The following CCDC148 variants were observed in gnomAD, a reference collection of about 807,000 sequenced individuals.
CCDC148 encodes coiled-coil domain-containing protein 148.
A neutral mutation model predicts 85.7 loss-of-function variants in CCDC148; 89 were observed. The ratio of observed to expected loss-of-function variants is 1.04; its 90% CI spans 0.87 to 1.24. The LOEUF (loss-of-function observed/expected upper bound fraction) is 1.24. Among genes scored for constraint, CCDC148 ranks in the 50% most tolerant of loss-of-function variants. The pLI is 0.00. For missense variants in CCDC148, 692 were observed against 671.7 expected (o/e 1.03, Z -0.33); for synonymous variants, 230 against 213.9 (o/e 1.08, Z -0.66).
intron 1 of CCDC148, chr2:158,447,285 C>T (rs998313588): frequency 3.9e-5 from 6 of 152,238 alleles, no homozygotes; most frequent in Non-Finnish European, 8.8e-5. Context: ...GCTGCTTCAC[C>T]TCTCCTGAGG....
At chr2:158,260,154 C>T (rs75768046) in intron 9 of CCDC148, among the ~76,000 whole-genome samples, 282 of 152,002 alleles carry the variant, frequency 1.9e-3, no homozygotes, top group Non-Finnish European at 3.3e-3. Flanking sequence ...TCTATTCCTA[C>T]TCCTGGAATA....
intron 10 of CCDC148, among the ~76,000 whole-genome samples, chr2:158,233,420 T>A (rs1419225678): frequency 6.6e-6 from 1 of 151,666 alleles, no homozygotes; most frequent in South Asian, 2.1e-4. Context: ...TTTTGCCACA[T>A]AGTTTTTACA....
At chr2:158,362,216 C>T (rs1256158968) in intron 1 of CCDC148, among the ~76,000 whole-genome samples, 1 of 151,998 alleles carries the variant, frequency 6.6e-6, no homozygotes, top group African/African-American at 2.4e-5. Context: ...GACTCCCACA[C>T]AATAATAATG....
At chr2:158,420,792 CA>C (rs768064421) in intron 1 of CCDC148, among the ~76,000 whole-genome samples, 77 of 152,144 alleles carry the variant, frequency 5.1e-4, no homozygotes, top group East Asian at 1.4e-3. Context: ...CACAGACTGG[CA>C]ACTTGGATAG....
chr2:158,277,584 G>A (rs550217574), intron 9 of CCDC148, among the ~76,000 whole-genome samples: 71 of 152,136 alleles, frequency 4.7e-4, no homozygotes, highest in Non-Finnish European at 9.3e-4. Context: ...ACAACACAGT[G>A]AGTTATGTTT....
At chr2:158,273,944 G>A (rs1283382066) in intron 9 of CCDC148, among the ~76,000 whole-genome samples, 1 of 152,162 alleles carries the variant, frequency 6.6e-6, no homozygotes, top group East Asian at 1.9e-4. Flanking sequence ...AGAGGATAGT[G>A]TTTTCTTTGC....
At chr2:158,228,666 G>C (rs576930632) in intron 10 of CCDC148, among the ~76,000 whole-genome samples, 14 of 152,188 alleles carry the variant, frequency 9.2e-5, no homozygotes, top group African/African-American at 3.4e-4. Flanking sequence ...TAGGGACATG[G>C]ATGAAGCTAG....
At chr2:158,186,976 C>G (rs995698430) in intron 11 of CCDC148, among the ~76,000 whole-genome samples, 1 of 152,014 alleles carries the variant, frequency 6.6e-6, no homozygotes, top group African/African-American at 2.4e-5. Flanking sequence ...AACTCTAATT[C>G]TTTGTTGAAA....
At chr2:158,217,465 C>T (rs1400821155) in intron 11 of CCDC148, among the ~76,000 whole-genome samples, 1 of 150,818 alleles carries the variant, frequency 6.6e-6, no homozygotes, top group Non-Finnish European at 1.5e-5. Flanking sequence ...TGCGGTAGCA[C>T]GATCTCAGCT....
In CCDC148 at chr2:158,406,624, T is replaced by TGTTTTTTTTTTTGTTTTTTG. The variant is rs1423803250; in HGVS notation, c.26-48055_26-48054insCAAAAAACAAAAAAAAAAAC. Among the ~76,000 whole-genome samples, 11 of 24,862 alleles carry TGTTTTTTTTTTTGTTTTTTG rather than the reference T, an allele frequency of 4.4e-4. No homozygotes were observed. The South Asian group carries it at 0.017, about 39-fold the overall frequency. 16.3% of individuals were successfully genotyped at this position (24,862 alleles called of 152,430 possible). ...AACAGATTAAATTTCTTTTTTTTTT[T>TGTTTTTTTTTTTGTTTTTTG]TTTTTTTTTTTTTTTTGAGACAGTG... On this transcript the variant is annotated intron_variant, in intron 1 of 13. Coordinates refer to ENST00000283233, the MANE Select transcript of CCDC148 (RefSeq NM_138803.4).
At chr2:158,292,487 A>G (rs979258327) in intron 9 of CCDC148, among the ~76,000 whole-genome samples, 1 of 152,208 alleles carries the variant, frequency 6.6e-6, no homozygotes, top group African/African-American at 2.4e-5. Flanking sequence ...TCATCTGTCC[A>G]TTTGCAAACT....
At chr2:158,392,231 T>G (rs569133461) in intron 1 of CCDC148, among the ~76,000 whole-genome samples, 1 of 152,254 alleles carries the variant, frequency 6.6e-6, no homozygotes, top group African/African-American at 2.4e-5. Flanking sequence ...GTCCAGTCAT[T>G]GTGCTAGGCG....
At chr2:158,329,484 G>A (rs1167808049) in intron 7 of CCDC148, among the ~76,000 whole-genome samples, 1 of 152,020 alleles carries the variant, frequency 6.6e-6, no homozygotes, top group East Asian at 1.9e-4. Context: ...GATTGACTTG[G>A]CGATGTGGGC....
intron 10 of CCDC148, among the ~76,000 whole-genome samples, chr2:158,227,683 C>T (rs879397756): frequency 1.1e-4 from 17 of 152,082 alleles, no homozygotes; most frequent in Admixed American, 2.6e-4. Flanking sequence ...CTTTGACAAA[C>T]CTGACAAAAA....
At chr2:158,376,185 T>C (rs1684642918) in intron 1 of CCDC148, among the ~76,000 whole-genome samples, 1 of 152,086 alleles carries the variant, frequency 6.6e-6, no homozygotes, top group South Asian at 2.1e-4. Flanking sequence ...ATGAAAAAAT[T>C]ACATCTAGCA....
intron 1 of CCDC148, among the ~76,000 whole-genome samples, chr2:158,397,658 C>G (rs956205111): frequency 6.6e-6 from 1 of 152,108 alleles, no homozygotes; most frequent in Non-Finnish European, 1.5e-5. Flanking sequence ...ACAACCGGTA[C>G]CAGCCACTGC....
At chr2:158,435,699 A>T in intron 1 of CCDC148, among the ~76,000 whole-genome samples, 1 of 152,244 alleles carries the variant, frequency 6.6e-6, no homozygotes, top group Non-Finnish European at 1.5e-5. Flanking sequence ...ATAAAGAGTC[A>T]AGACCCATCA....
Position 158,313,787 on chromosome 2 carries a change from C to T in CCDC148, c.872G>A (p.Arg291Lys). 6.2e-7 allele frequency: 1 copy of T among 1,613,900 alleles called. No individual in the cohort carries two copies. ...ATGCCTAGATTTGTGAGGAAAATAT[C>T]TTTGTAACATGTCCAGATACAGAGT... Reference protein sequence around the residue: ...RRTLYLDMLQRYFPHKSRHDL... With the variant: ...RRTLYLDMLQKYFPHKSRHDL... The change falls in exon 8 of 14, where the codon AGA becomes AAA. Residue 291 changes from arginine to lysine, a missense_variant. Transcript: ENST00000283233.
At chr2:158,188,766 T>TGAA (rs1558967442) in intron 11 of CCDC148, among the ~76,000 whole-genome samples, 1 of 152,070 alleles carries the variant, frequency 6.6e-6, no homozygotes, top group Non-Finnish European at 1.5e-5. Flanking sequence ...AAAGAGCTTC[T>TGAA]GTGCAGCAAA....
Sources: gnomAD v4.1 joint callset for allele counts (sites outside exome capture counted in the v4.1 genomes callset) on GRCh38, gnomAD v4.1.1 for gene constraint, MANE v1.5 for transcripts, NCBI Gene and HGNC (gene_info 2026-07-23, HGNC 2026-07-21) for gene names.